The following ZNF10 variants were observed in gnomAD, a reference collection of about 807,000 sequenced individuals.
The protein encoded by ZNF10 is zinc finger protein 10, also known as zinc finger protein 10 (KOX 1).
Under a neutral mutation model 12.2 loss-of-function variants are expected in ZNF10, and 8 were observed. That is an observed-to-expected ratio of 0.66 (90% CI 0.39 to 1.18). The LOEUF (loss-of-function observed/expected upper bound fraction) is 1.18. ZNF10 is among the 50% of genes most tolerant of loss of function. The pLI is 0.01. For synonymous variants in ZNF10, 229 were observed against 228.2 expected, an observed-to-expected ratio of 1.00 and a Z score of -0.03; for missense variants, 603 against 678.9, an observed-to-expected ratio of 0.89 and a Z score of 1.24.
At chr12:133,154,644 T>C (rs1956028205) in intron 4 of ZNF10, among the ~76,000 whole-genome samples, 1 of 152,250 alleles carries the variant, frequency 6.6e-6, no homozygotes, top group Admixed American at 6.5e-5. Context: ...TTGGTAACTT[T>C]TGTGCAGTTA....
intron 1 of ZNF10, among the ~76,000 whole-genome samples, chr12:133,138,406 G>A (rs908933474): frequency 6.7e-6 from 1 of 149,518 alleles, no homozygotes; most frequent in South Asian, 2.2e-4. Flanking sequence ...AAAAAAATTA[G>A]CCAAGTACAG....
intron 1 of ZNF10, among the ~76,000 whole-genome samples, chr12:133,137,672 G>C (rs148407021): frequency 6.6e-6 from 1 of 152,262 alleles, no homozygotes; most frequent in African/African-American, 2.4e-5. Context: ...GTTTCTTCCA[G>C]TAGCCTCAGC....
rs1955969679 is a variant in ZNF10 at position 133,145,418 on chromosome 12, GT to G, written c.33+895del. Among the ~76,000 whole-genome samples, 3 of 152,310 alleles carry G rather than the reference GT, an allele frequency of 2.0e-5. No homozygotes were observed. The South Asian group carries it at 6.2e-4, about 32-fold the overall frequency. Reference sequence around the variant, plus strand: ...GTCTTCTTTAACACGGTATTGTACTGTTGTGTTAGTGTGTATAATACTATGA... The same window carrying G: ...GTCTTCTTTAACACGGTATTGTACTGTGTGTTAGTGTGTATAATACTATGA... On this transcript the variant is annotated intron_variant, in intron 2 of 4. Transcript: ENST00000248211.
At chr12:133,132,513 C>T (rs754654396) in intron 1 of ZNF10, among the ~76,000 whole-genome samples, 33 of 151,044 alleles carry the variant, frequency 2.2e-4, no homozygotes, top group South Asian at 6.3e-4. Context: ...AGCGAAACTC[C>T]GTCTCAAAAA....
chr12:133,132,972 A>T (rs1365858500), intron 1 of ZNF10, among the ~76,000 whole-genome samples: 4 of 150,486 alleles, frequency 2.7e-5, no homozygotes, highest in African/African-American at 1.0e-4. Context: ...GTATTTTTAA[A>T]TTTTTTTCAA....
chr12:133,151,995 C>T (rs1466427593), intron 4 of ZNF10, 91 bp downstream of exon 4: 4 of 930,246 alleles, frequency 4.3e-6, no homozygotes, highest in Non-Finnish European at 6.7e-6. Flanking sequence ...TGGCCCTCCT[C>T]ACAGGCCCTT....
At chr12:133,131,293 A>G (rs1040700087) in intron 1 of ZNF10, among the ~76,000 whole-genome samples, 4 of 152,012 alleles carry the variant, frequency 2.6e-5, no homozygotes, top group South Asian at 2.1e-4. Flanking sequence ...GAGACAGATC[A>G]TAAGTTTAAT....
chr12:133,153,343 TAC>T (rs1359999258), intron 4 of ZNF10, among the ~76,000 whole-genome samples: 3 of 152,186 alleles, frequency 2.0e-5, no homozygotes, highest in Non-Finnish European at 1.5e-5. Context: ...GACAATAACT[TAC>T]TGGCATGGTT....
At chr12:133,136,863 G>A (rs1267128454) in intron 1 of ZNF10, among the ~76,000 whole-genome samples, 3 of 152,106 alleles carry the variant, frequency 2.0e-5, no homozygotes, top group African/African-American at 7.2e-5. Flanking sequence ...AGTGGATTCA[G>A]ATAGAATACA....
At chr12:133,153,814 A>G (rs1441170763) in intron 4 of ZNF10, among the ~76,000 whole-genome samples, 1 of 152,138 alleles carries the variant, frequency 6.6e-6, no homozygotes, top group African/African-American at 2.4e-5. Flanking sequence ...TAAAATGAAG[A>G]TGTCAGTGGG....
At chr12:133,144,964 C>A in intron 2 of ZNF10, 1 of 400,402 alleles carries the variant, frequency 2.5e-6, no homozygotes, top group Non-Finnish European at 5.0e-6. Context: ...CTCACTGCAA[C>A]CTCCACCTCC....
Position 133,155,812 on chromosome 12 carries a change from A to G in ZNF10, c.566A>G (p.Asp189Gly), listed in dbSNP as rs751844157. The change falls in exon 5 of 5, where the codon GAC becomes GGC. Residue 189 changes from aspartate to glycine, a missense_variant. Transcript: ENST00000248211. The stretch of plus-strand genomic sequence containing the variant: ...CTGAGAGAGTATTTCCATAAACGTG[A>G]CTCACATACTAAAAGTTTAAAACAT... ...LVLREYFHKR[D>G]SHTKSLKHDL... 3.1e-6 allele frequency: 5 copies of G among 1,613,770 alleles called. No individual in the cohort carries two copies. Among genetic ancestry groups the G allele is most frequent in the Non-Finnish European group, 4.2e-6 (5 of 1,179,880 alleles).
rs12296133 is a variant in ZNF10 at position 133,131,526 on chromosome 12, C to T, written c.-60+772C>T. ...GGAAGGCAGGATGTCACCCAGAATG[C>T]CAGCCAACAAGTGTTATTAGGTTAG... On this transcript the variant is annotated intron_variant, in intron 1 of 4. Transcript: ENST00000248211. Among the ~76,000 whole-genome samples, 1,070 of 151,950 alleles carry T rather than the reference C, an allele frequency of 7.0e-3. 11 individuals are homozygous for T. The highest frequency in any genetic ancestry group is 0.024 in the African/African-American group (1,007 of 41,438).
intron 1 of ZNF10, among the ~76,000 whole-genome samples, chr12:133,140,637 C>A (rs542472870): frequency 6.6e-6 from 1 of 151,724 alleles, no homozygotes; most frequent in East Asian, 1.9e-4. Flanking sequence ...TATTCCATCT[C>A]GGCTGGAAGC....
At chr12:133,139,375 TG>T (rs2135458674) in intron 1 of ZNF10, 1 of 152,360 alleles carries the variant, frequency 6.6e-6, no homozygotes, top group South Asian at 2.1e-4. Context: ...GCAACTCAAG[TG>T]GTTCACCATA....
At chr12:133,152,839 C>G (rs989979830) in intron 4 of ZNF10, among the ~76,000 whole-genome samples, 3 of 152,206 alleles carry the variant, frequency 2.0e-5, no homozygotes, top group Non-Finnish European at 4.4e-5. Flanking sequence ...GCCTCAAGTT[C>G]TTTCCCATGA....
chr12:133,144,413 AT>A lies in ZNF10; in HGVS notation c.-59-20del. On this transcript the variant is annotated intron_variant, in intron 1 of 4. Transcript: ENST00000248211. Reference sequence around the variant, plus strand: ...CTCCCAGTCATAGCAAACTTAACTTATGTTTCTTTCTTTTTCCCAGCTTTGT... The same window carrying A: ...CTCCCAGTCATAGCAAACTTAACTTAGTTTCTTTCTTTTTCCCAGCTTTGT... 8.1e-5 allele frequency: 121 copies of A among 1,493,940 alleles called. No individual in the cohort carries two copies. Among genetic ancestry groups the A allele is most frequent in the Non-Finnish European group, 1.1e-4 (121 of 1,081,544 alleles). 92.5% of individuals were successfully genotyped at this position (1,493,940 alleles called of 1,614,324 possible). A position where few individuals can be genotyped will look rare whatever the true frequency, so the allele number is the denominator to read the frequency against.
intron 2 of ZNF10, among the ~76,000 whole-genome samples, chr12:133,147,891 C>T (rs995199307): frequency 2.6e-5 from 4 of 151,598 alleles, no homozygotes; most frequent in Non-Finnish European, 4.4e-5. Flanking sequence ...CCGAGGCCTG[C>T]CTTGGCCTCC....
chr12:133,152,131 C>T (rs1323117200), intron 4 of ZNF10, among the ~76,000 whole-genome samples: 1 of 152,192 alleles, frequency 6.6e-6, no homozygotes, highest in African/African-American at 2.4e-5. Context: ...TTGCACGTGT[C>T]GCTCTCCTAA....
Sources: gnomAD v4.1 joint callset for allele counts (sites outside exome capture counted in the v4.1 genomes callset) on GRCh38, gnomAD v4.1.1 for gene constraint, MANE v1.5 for transcripts, NCBI Gene and HGNC (gene_info 2026-07-23, HGNC 2026-07-21) for gene names.